The following NR1I2 variants were observed in gnomAD, a reference collection of about 807,000 sequenced individuals.
The protein encoded by NR1I2 is nuclear receptor subfamily 1 group I member 2, also known as orphan nuclear receptor PAR1.
In NR1I2, 42 loss-of-function variants were observed where a neutral mutation model predicts 43.3. The ratio of observed to expected loss-of-function variants is 0.97; its 90% confidence interval spans 0.76 to 1.26. The LOEUF (loss-of-function observed/expected upper bound fraction) is 1.26, where lower values mean the gene tolerates loss of function less well. Among genes scored for constraint, NR1I2 ranks in the 50% most tolerant of loss-of-function variants. The pLI, the probability that NR1I2 is intolerant of heterozygous loss-of-function variation, is 0.00. For synonymous variants in NR1I2, 229 were observed against 215.0 expected (o/e 1.06, Z -0.57); for missense variants, 559 against 566.7 (o/e 0.99, Z 0.14).
chr3:119,815,658 C>A, intron 7 of NR1I2, 68 bp from the exon 8 acceptor site: 1 of 1,400,114 alleles, frequency 7.1e-7, no homozygotes, highest in Non-Finnish European at 1.0e-6. Context: ...CGAGCAATGC[C>A]CTGACTCTGG....
chr3:119,798,118 G>A, intron 1 of NR1I2, among the ~76,000 whole-genome samples: 1 of 152,130 alleles, frequency 6.6e-6, no homozygotes, highest in Non-Finnish European at 1.5e-5. Flanking sequence ...TGCTTTCCCA[G>A]ATTGCTTCTG....
In NR1I2 at chr3:119,792,187, C is replaced by A; in HGVS notation, c.-23+9887C>A. On this transcript the variant is annotated intron_variant, in intron 1 of 8. Transcript: ENST00000393716. ...GATGAGCGTGTGCTGCCATCCATCA[C>A]TACTGAGATCCTCAAGTCAGTGGTG... The A allele has an allele frequency of 4.4e-6, 5 of 1,136,406 alleles. No homozygotes were observed. In the Admixed American group the frequency reaches 8.6e-5, roughly 20 times the overall value. 70.4% of individuals were successfully genotyped at this position (1,136,406 alleles called of 1,614,324 possible).
rs2055352124 is a variant in NR1I2, at chr3:119,817,878, AG to A, written c.*668del. On this transcript the variant is annotated 3_prime_UTR_variant, in exon 9 of 9. Coordinates refer to ENST00000393716, the MANE Select transcript of NR1I2 (RefSeq NM_003889.4). The stretch of plus-strand genomic sequence containing the variant: ...GAACACATTATTAAGCACCGATAAT[AG>A]GTAGCCTGCTGTGGGGTATACAGCA... The A allele has an allele frequency of 1.0e-6, 1 of 987,804 alleles. No individual in the cohort carries two copies. The highest frequency in any genetic ancestry group is 1.7e-5 in the African/African-American group (1 of 57,256). The allele number at this position is 987,804 out of a possible 1,614,324, so 61.2% of individuals were successfully genotyped here.
chr3:119,806,565 C>T (rs1423454559), intron 1 of NR1I2, among the ~76,000 whole-genome samples: 4 of 152,202 alleles, frequency 2.6e-5, no homozygotes, highest in Non-Finnish European at 5.9e-5. Flanking sequence ...GGATTACAGG[C>T]ATCAGCCACC....
In NR1I2 at chr3:119,790,348, G is replaced by A. The variant is rs540013024; in HGVS notation, c.-23+8048G>A. Among the ~76,000 whole-genome samples the A allele has an allele frequency of 3.0e-4, 45 of 152,184 alleles. No individual in the cohort carries two copies. In the South Asian group the frequency reaches 7.7e-3, roughly 26 times the overall value. The stretch of plus-strand genomic sequence containing the variant: ...GTTGCTTCTACATTTTGTCTATTGC[G>A]AATAGTGCTGCTGTGAACATCAGTG... On this transcript the variant is annotated intron_variant, in intron 1 of 8. Coordinates refer to ENST00000393716, the MANE Select transcript of NR1I2 (RefSeq NM_003889.4).
At chr3:119,782,986 G>A (rs2054797441) in intron 1 of NR1I2, 12 of 764,836 alleles carry the variant, frequency 1.6e-5, no homozygotes, top group South Asian at 1.2e-4. Context: ...ATGGCCAGAG[G>A]CACTGCTTTA....
rs1053471158 is a variant in NR1I2, at chr3:119,818,296, A to G, written c.*1084A>G. On this transcript the variant is annotated 3_prime_UTR_variant, in exon 9 of 9. Transcript: ENST00000393716. The stretch of plus-strand genomic sequence containing the variant: ...ACCTTATATTTCTGTGTACACATCT[A>G]TTCTCAAAGCTAAAGGGTATGAAAG... 2 of 985,454 alleles carry G rather than the reference A, an allele frequency of 2.0e-6. No individual in the cohort carries two copies. The highest frequency in any genetic ancestry group is 1.7e-5 in the African/African-American group (1 of 57,364). The allele number at this position is 985,454 out of a possible 1,614,324, so 61.0% of individuals were successfully genotyped here.
intron 1 of NR1I2, among the ~76,000 whole-genome samples, chr3:119,788,033 T>G (rs1403527): frequency 0.72 from 109,712 of 152,032 alleles, 42,239 homozygotes; most frequent in East Asian, 1. Flanking sequence ...AAGACTAAAT[T>G]TATCTGTATG....
intron 1 of NR1I2, among the ~76,000 whole-genome samples, chr3:119,799,943 G>A (rs957985874): frequency 3.3e-5 from 5 of 152,040 alleles, no homozygotes. Flanking sequence ...TCCAGCCTGC[G>A]TGATGAGACT....
intron 1 of NR1I2, among the ~76,000 whole-genome samples, chr3:119,800,457 A>G (rs2055062768): frequency 6.6e-6 from 1 of 152,224 alleles, no homozygotes; most frequent in African/African-American, 2.4e-5. Context: ...CTCTTCCAAC[A>G]TTATTTTGGC....
In NR1I2 at chr3:119,782,535, C is replaced by T. The variant is rs149719657; in HGVS notation, c.-23+235C>T. On this transcript the variant is annotated intron_variant, in intron 1 of 8. Coordinates refer to ENST00000393716, the MANE Select transcript of NR1I2 (RefSeq NM_003889.4). ...TGCTCTCTGGTCCTGCACTAGCCTC[C>T]TAGAAAAATCACCACAGGAGAAGCC... Among the ~76,000 whole-genome samples the T allele has an allele frequency of 6.5e-4, 89 of 136,920 alleles. 1 individual carries two copies. In the East Asian group the frequency reaches 0.014, roughly 21 times the overall value. 89.8% of individuals were successfully genotyped at this position (136,920 alleles called of 152,430 possible).
At chr3:119,800,881 C>G (rs781700428) in intron 1 of NR1I2, among the ~76,000 whole-genome samples, 1 of 152,198 alleles carries the variant, frequency 6.6e-6, no homozygotes, top group Admixed American at 6.5e-5. Context: ...AGTTTGCAGG[C>G]AATCATGGAA....
At chr3:119,809,697 G>A (rs2055210211) in intron 2 of NR1I2, among the ~76,000 whole-genome samples, 1 of 152,214 alleles carries the variant, frequency 6.6e-6, no homozygotes, top group Admixed American at 6.5e-5. Flanking sequence ...TAACAAGGCT[G>A]TGAAAGAGAA....
chr3:119,810,086 C>T lies in NR1I2; in HGVS notation c.223C>T (p.Leu75=). 6.2e-7 allele frequency: 1 copy of T among 1,613,916 alleles called. No homozygotes were observed. The highest frequency in any genetic ancestry group is 8.5e-7 in the Non-Finnish European group (1 of 1,179,940). ...GAGGGCCATGAAACGCAACGCCCGG[C>T]TGAGGTGCCCCTTCCGGAAGGGCGC... Residue 75 remains leucine, a synonymous_variant, in exon 3 of 9, where the codon CTG becomes TTG. Coordinates refer to ENST00000393716, the MANE Select transcript of NR1I2 (RefSeq NM_003889.4).
At chr3:119,802,931 A>T in intron 1 of NR1I2, 1 of 456,662 alleles carries the variant, frequency 2.2e-6, no homozygotes, top group East Asian at 6.9e-5. Context: ...CCAAATTCGT[A>T]TGTTAAAATC....
chr3:119,815,473 C>T lies in NR1I2; in HGVS notation c.1054+34C>T, dbSNP rs775961132. The stretch of plus-strand genomic sequence containing the variant: ...CTCCCCTAGGCTGCCTGACATCCCC[C>T]CCAGCCTTATCTGCCCTCCCCAGGG... On this transcript the variant is annotated intron_variant, in intron 7 of 8. Coordinates refer to ENST00000393716, the MANE Select transcript of NR1I2 (RefSeq NM_003889.4). The T allele has an allele frequency of 8.4e-6, 13 of 1,545,766 alleles. No individual in the cohort carries two copies. In the South Asian group the frequency reaches 1.2e-4, roughly 15 times the overall value.
At chr3:119,792,955 G>T (rs892124337) in intron 1 of NR1I2, among the ~76,000 whole-genome samples, 1 of 152,084 alleles carries the variant, frequency 6.6e-6, no homozygotes, top group African/African-American at 2.4e-5. Flanking sequence ...TTGGTCATGG[G>T]GGTGGATCCC....
intron 1 of NR1I2, among the ~76,000 whole-genome samples, chr3:119,786,288 A>G (rs547155579): frequency 6.6e-6 from 1 of 152,306 alleles, no homozygotes; most frequent in African/African-American, 2.4e-5. Context: ...CCTGGGCACA[A>G]CCTGGGGAGG....
chr3:119,805,206 A>C (rs933126310), intron 1 of NR1I2, among the ~76,000 whole-genome samples: 3 of 152,052 alleles, frequency 2.0e-5, no homozygotes, highest in Non-Finnish European at 4.4e-5. Context: ...TTGATAACTC[A>C]GGGCATTTTC....
Sources: gnomAD v4.1 joint callset for allele counts (sites outside exome capture counted in the v4.1 genomes callset) on GRCh38, gnomAD v4.1.1 for gene constraint, MANE v1.5 for transcripts, NCBI Gene and HGNC (gene_info 2026-07-23, HGNC 2026-07-21) for gene names.